Variants in CALN1 observed in about 807,000 individuals in gnomAD.
CALN1 encodes calcium-binding protein 8.
A neutral mutation model predicts 30.6 loss-of-function variants in CALN1; 17 were observed. The ratio of observed to expected loss-of-function variants is 0.56; its 90% CI spans 0.38 to 0.83. The LOEUF (loss-of-function observed/expected upper bound fraction) is 0.83, where lower values mean the gene tolerates loss of function less well. Among genes scored for constraint, CALN1 ranks in the 40% least tolerant of loss-of-function variants. The probability of loss-of-function intolerance (pLI) is 0.00; values close to 1 mark genes in which losing one functional copy is unlikely to be tolerated. For synonymous variants in CALN1, 156 were observed against 131.4 expected, an observed-to-expected ratio of 1.19 and a Z score of -1.28; for missense variants, 291 against 354.9, an observed-to-expected ratio of 0.82 and a Z score of 1.45.
At chr7:72,107,307 T>TAGG (rs1371752139) in intron 3 of CALN1, among the ~76,000 whole-genome samples, 4 of 152,194 alleles carry the variant, frequency 2.6e-5, no homozygotes, top group Non-Finnish European at 4.4e-5. Flanking sequence ...TCCAGCCTCA[T>TAGG]AGGAGGAGAA....
At chr7:71,903,020 T>A (rs1001918987) in intron 5 of CALN1, among the ~76,000 whole-genome samples, 11 of 151,806 alleles carry the variant, frequency 7.2e-5, no homozygotes, top group Non-Finnish European at 1.6e-4. Flanking sequence ...TACTTAAAAA[T>A]TTTTTAAGTA....
At chr7:71,888,612 G>A (rs924861193) in intron 5 of CALN1, among the ~76,000 whole-genome samples, 4 of 152,160 alleles carry the variant, frequency 2.6e-5, no homozygotes, top group African/African-American at 9.7e-5. Flanking sequence ...TGATCTCAGG[G>A]AAGGAGGCAT....
At chr7:72,399,897 A>G (rs756173931) in intron 2 of CALN1, among the ~76,000 whole-genome samples, 2 of 152,126 alleles carry the variant, frequency 1.3e-5, no homozygotes, top group Non-Finnish European at 2.9e-5. Context: ...TTCTCACTCT[A>G]TTAGTTCATG....
chr7:71,979,672 T>C (rs772168055), intron 5 of CALN1, among the ~76,000 whole-genome samples: 2 of 150,910 alleles, frequency 1.3e-5, no homozygotes, highest in African/African-American at 2.4e-5. Context: ...GGCCGGGGGG[T>C]TGGGGACCCC....
At chr7:71,846,847 T>C (rs1232855521) in intron 5 of CALN1, among the ~76,000 whole-genome samples, 1 of 137,558 alleles carries the variant, frequency 7.3e-6, no homozygotes, top group Non-Finnish European at 1.6e-5. Flanking sequence ...GTGTATATAT[T>C]ATATATGTAT....
intron 5 of CALN1, among the ~76,000 whole-genome samples, chr7:71,935,222 C>T (rs138498274): frequency 8.6e-4 from 131 of 152,286 alleles, no homozygotes; most frequent in South Asian, 1.5e-3. Flanking sequence ...ACGAACTAGA[C>T]AGAAGGCTGC....
chr7:72,337,417 C>G (rs1429208116), intron 2 of CALN1, among the ~76,000 whole-genome samples: 1 of 18,796 alleles, frequency 5.3e-5, no homozygotes, highest in Admixed American at 7.9e-4. Flanking sequence ...CACTCACACT[C>G]GCGCGCACAC....
intron 3 of CALN1, among the ~76,000 whole-genome samples, chr7:72,110,656 CTTT>C (rs111431336): frequency 0.037 from 5,102 of 139,760 alleles, 293 homozygotes; most frequent in African/African-American, 0.13. Context: ...ACCTCACTAA[CTTT>C]TTTTTTTTTT....
chr7:71,998,855 G>GAGAT, intron 5 of CALN1, among the ~76,000 whole-genome samples: 1 of 151,826 alleles, frequency 6.6e-6, no homozygotes, highest in Non-Finnish European at 1.5e-5. Flanking sequence ...CGCACCCAAA[G>GAGAT]AGATATACTT....
At chr7:72,358,884 G>A (rs1803397384) in intron 2 of CALN1, among the ~76,000 whole-genome samples, 1 of 151,920 alleles carries the variant, frequency 6.6e-6, no homozygotes, top group Non-Finnish European at 1.5e-5. Context: ...TTTGAACCCA[G>A]GAGGCGGAGG....
At chr7:72,107,468 G>T (rs946717286) in intron 3 of CALN1, among the ~76,000 whole-genome samples, 17 of 152,182 alleles carry the variant, frequency 1.1e-4, no homozygotes, top group Non-Finnish European at 4.4e-5. Flanking sequence ...TTGACTCTGC[G>T]GTCAGCAAGG....
chr7:72,235,746 A>G (rs1794436122), intron 3 of CALN1, among the ~76,000 whole-genome samples: 1 of 145,170 alleles, frequency 6.9e-6, no homozygotes, highest in African/African-American at 2.6e-5. Context: ...TAAGCCTGTC[A>G]ATCAAATCTC....
At chr7:72,432,262 T>C (rs1808002991) in intron 1 of CALN1, among the ~76,000 whole-genome samples, 1 of 152,160 alleles carries the variant, frequency 6.6e-6, no homozygotes, top group South Asian at 2.1e-4. Context: ...AGACGTGCCT[T>C]TTTTCCTCCT....
intron 5 of CALN1, among the ~76,000 whole-genome samples, chr7:71,890,860 C>T (rs746815042): frequency 6.6e-6 from 1 of 151,862 alleles, no homozygotes; most frequent in East Asian, 1.9e-4. Flanking sequence ...GATCCTCCCA[C>T]TTCAGCCTCC....
At chr7:71,826,728 C>G (rs1788937579) in intron 5 of CALN1, among the ~76,000 whole-genome samples, 1 of 152,274 alleles carries the variant, frequency 6.6e-6, no homozygotes, top group South Asian at 2.1e-4. Flanking sequence ...TCCTACAGGT[C>G]TCGCCCAATG....
intron 2 of CALN1, among the ~76,000 whole-genome samples, chr7:72,341,052 A>C (rs1156386067): frequency 6.6e-6 from 1 of 152,228 alleles, no homozygotes; most frequent in Non-Finnish European, 1.5e-5. Flanking sequence ...TACAGAAGGT[A>C]TTATATTTAC....
chr7:71,920,185 G>C (rs150449867), intron 5 of CALN1, among the ~76,000 whole-genome samples: 1 of 152,098 alleles, frequency 6.6e-6, no homozygotes, highest in Admixed American at 6.6e-5. Flanking sequence ...TGGAAACACC[G>C]GTCTGTATCT....
At chr7:72,345,001 A>G (rs1802562557) in intron 2 of CALN1, among the ~76,000 whole-genome samples, 2 of 147,940 alleles carry the variant, frequency 1.4e-5, no homozygotes, top group Admixed American at 1.4e-4. Context: ...AATGATATAT[A>G]ATACATTATA....
chr7:71,822,181 G>A (rs188680520), intron 5 of CALN1, among the ~76,000 whole-genome samples: 10 of 152,282 alleles, frequency 6.6e-5, no homozygotes, highest in Non-Finnish European at 1.2e-4. Flanking sequence ...CTTTCCAATG[G>A]TAGAGTCTAA....
Sources: allele counts gnomAD v4.1 joint callset (sites outside exome capture counted in the v4.1 genomes callset), GRCh38; gene constraint gnomAD v4.1.1; transcripts MANE v1.5; gene names NCBI Gene and HGNC (gene_info 2026-07-23, HGNC 2026-07-21).